EPB41L5: variants seen among roughly 807,000 people sequenced by gnomAD.
The protein encoded by EPB41L5 is erythrocyte membrane protein band 4.1 like 5.
Under a neutral mutation model 106.6 loss-of-function variants are expected in EPB41L5, and 55 were observed. The ratio of observed to expected loss-of-function variants is 0.52; its 90% CI spans 0.42 to 0.65. The LOEUF is 0.65. Among genes scored for constraint, EPB41L5 ranks in the 30% least tolerant of loss-of-function variants. EPB41L5 has a pLI of 0.00. For missense variants in EPB41L5, 871 were observed against 882.1 expected (o/e 0.99, Z 0.16); for synonymous variants, 297 against 306.7 (o/e 0.97, Z 0.33).
intron 20 of EPB41L5, among the ~76,000 whole-genome samples, chr2:120,147,624 CAAAAA>C (rs60980401): frequency 1.5e-4 from 11 of 75,578 alleles, no homozygotes; most frequent in Non-Finnish European, 2.3e-4. Context: ...AACTCTGTCT[CAAAAA>C]AAAAAAAAAA....
intron 3 of EPB41L5, among the ~76,000 whole-genome samples, chr2:120,053,263 G>A (rs1680410419): frequency 6.6e-6 from 1 of 152,138 alleles, no homozygotes; most frequent in Non-Finnish European, 1.5e-5. Flanking sequence ...TTAAAGAGAA[G>A]AGAGAAGGCA....
chr2:120,048,533 A>T (rs1433945090), intron 3 of EPB41L5, among the ~76,000 whole-genome samples: 1 of 150,428 alleles, frequency 6.6e-6, no homozygotes, highest in African/African-American at 2.4e-5. Flanking sequence ...TATTGCGTCT[A>T]TTTGATTCTT....
Position 120,077,064 on chromosome 2 carries a change from C to T in EPB41L5, c.599C>T (p.Ala200Val). The change falls in exon 8 of 25, where the codon GCT becomes GTT. Residue 200 changes from alanine (A) to valine (V), a missense_variant. Ala to Val is a moderately conservative substitution (Grantham distance 64, BLOSUM62 0). Coordinates refer to ENST00000263713, the MANE Select transcript of EPB41L5 (RefSeq NM_020909.4). Reference protein sequence around the residue: ...VPIQTEEMELAIFEKWKEYRG... With the variant: ...VPIQTEEMELVIFEKWKEYRG... ...ATTCAGACTGAAGAGATGGAACTGGCTATTTTTGAGAAATGGAAGGAATAC... is the reference window on the plus strand; with the variant it reads ...ATTCAGACTGAAGAGATGGAACTGGTTATTTTTGAGAAATGGAAGGAATAC... 1 of 1,613,056 alleles carries T rather than the reference C, an allele frequency of 6.2e-7. No individual in the cohort carries two copies. Among genetic ancestry groups the T allele is most frequent in the South Asian group, 1.1e-5 (1 of 90,902 alleles).
intron 1 of EPB41L5, among the ~76,000 whole-genome samples, chr2:120,014,552 G>C (rs1379560271): frequency 6.6e-6 from 1 of 152,140 alleles, no homozygotes; most frequent in African/African-American, 2.4e-5. Flanking sequence ...AAGGCTAAGA[G>C]TACTGAAAGA....
chr2:120,173,569 T>A (rs979747335), intron 24 of EPB41L5, among the ~76,000 whole-genome samples: 1 of 152,238 alleles, frequency 6.6e-6, no homozygotes, highest in Non-Finnish European at 1.5e-5. Context: ...TGTTTGTCCC[T>A]CAAAGTAGGA....
chr2:120,015,509 C>T (rs1050943809), intron 1 of EPB41L5, among the ~76,000 whole-genome samples: 2 of 151,892 alleles, frequency 1.3e-5, no homozygotes, highest in African/African-American at 2.4e-5. Flanking sequence ...CAACAGTTTA[C>T]GTGTGTGTCT....
chr2:120,101,477 A>G (rs1014008280), intron 16 of EPB41L5: 2 of 151,870 alleles, frequency 1.3e-5, no homozygotes, highest in African/African-American at 4.8e-5. Context: ...CTCCTTGGGG[A>G]TTATTTGATT....
intron 3 of EPB41L5, among the ~76,000 whole-genome samples, chr2:120,049,771 C>G (rs964335625): frequency 9.9e-5 from 15 of 152,278 alleles, no homozygotes; most frequent in African/African-American, 3.6e-4. Context: ...ATGGTCTTTA[C>G]AATTTGGCAT....
At chr2:120,084,796 C>T (rs1682940876) in intron 10 of EPB41L5, among the ~76,000 whole-genome samples, 1 of 152,132 alleles carries the variant, frequency 6.6e-6, no homozygotes, top group Non-Finnish European at 1.5e-5. Flanking sequence ...TTACGTAGTC[C>T]CATATTTCTT....
intron 1 of EPB41L5, among the ~76,000 whole-genome samples, chr2:120,014,071 C>G (rs1472454810): frequency 6.6e-6 from 1 of 152,162 alleles, no homozygotes; most frequent in Non-Finnish European, 1.5e-5. Context: ...TTGAATTACT[C>G]GCTTGCATTT....
chr2:120,073,375 C>T (rs1682011732), intron 4 of EPB41L5, among the ~76,000 whole-genome samples, 155 bp downstream of exon 4: 1 of 152,088 alleles, frequency 6.6e-6, no homozygotes, highest in East Asian at 1.9e-4. Flanking sequence ...TGAGCTACTC[C>T]CCAAGTCATG....
chr2:120,017,807 AT>A (rs1320878490), intron 1 of EPB41L5, among the ~76,000 whole-genome samples: 1 of 151,746 alleles, frequency 6.6e-6, no homozygotes, highest in Non-Finnish European at 1.5e-5. Context: ...ACTTCTCAGG[AT>A]TTTTTTTGAG....
intron 24 of EPB41L5, among the ~76,000 whole-genome samples, chr2:120,174,369 G>A (rs574536782): frequency 5.2e-4 from 79 of 152,232 alleles, no homozygotes; most frequent in South Asian, 1.5e-3. Context: ...GGAGGCTGAG[G>A]TGGAAGGATC....
At chr2:120,152,612 G>T (rs769978110) in intron 20 of EPB41L5, among the ~76,000 whole-genome samples, 4 of 152,144 alleles carry the variant, frequency 2.6e-5, no homozygotes, top group Non-Finnish European at 5.9e-5. Context: ...AATAGTGTTG[G>T]CCTCATAGCA....
rs1292904441 is a variant in EPB41L5, at chr2:120,177,096, C to CA, written c.*2190dup. On this transcript the variant is annotated 3_prime_UTR_variant, in exon 25 of 25. Transcript: ENST00000263713. ...TGCGTGTTGGGGATTGGTTTCCTGT[C>CA]ATAGCTGCTGCTGCTGCCATGCGCA... is the stretch of plus-strand genomic sequence containing the variant. The CA allele has an allele frequency of 1.3e-5, 2 of 152,260 alleles. No homozygotes were observed. Among genetic ancestry groups the CA allele is most frequent in the African/African-American group, 4.8e-5 (2 of 41,446 alleles). The allele number at this position is 152,260 out of a possible 1,614,324, so 9.4% of individuals were successfully genotyped here.
At chr2:120,014,545 G>C (rs1036619389) in intron 1 of EPB41L5, among the ~76,000 whole-genome samples, 2 of 152,154 alleles carry the variant, frequency 1.3e-5, no homozygotes, top group African/African-American at 4.8e-5. Flanking sequence ...TAAAGAAAAG[G>C]CTAAGAGTAC....
intron 2 of EPB41L5, among the ~76,000 whole-genome samples, chr2:120,027,440 C>A (rs774732436): frequency 6.6e-6 from 1 of 152,160 alleles, no homozygotes; most frequent in Non-Finnish European, 1.5e-5. Flanking sequence ...CACAAAAGAC[C>A]ATGTGATTTC....
intron 3 of EPB41L5, among the ~76,000 whole-genome samples, chr2:120,045,328 G>A (rs188328749): frequency 2.5e-3 from 382 of 152,076 alleles, no homozygotes; most frequent in Middle Eastern, 0.014. Flanking sequence ...TATTAGACTG[G>A]GTTATTTTAC....
chr2:120,100,004 T>C (rs1684033627), intron 14 of EPB41L5, among the ~76,000 whole-genome samples: 1 of 152,208 alleles, frequency 6.6e-6, no homozygotes, highest in African/African-American at 2.4e-5. Context: ...GATTAAAATA[T>C]AGGTGTATGG....
Sources: allele counts gnomAD v4.1 joint callset (sites outside exome capture counted in the v4.1 genomes callset), GRCh38; gene constraint gnomAD v4.1.1; transcripts MANE v1.5; gene names NCBI Gene and HGNC (gene_info 2026-07-23, HGNC 2026-07-21).